SORCS1: variants seen among roughly 807,000 people sequenced by gnomAD.
SORCS1 encodes the protein sortilin related VPS10 domain containing receptor 1, also known as VPS10 domain-containing receptor SorCS1.
A neutral mutation model predicts 146.1 loss-of-function variants in SORCS1; 60 were observed. That is an observed-to-expected ratio of 0.41 (90% CI 0.33 to 0.51). The LOEUF is 0.51. SORCS1 is among the 20% of genes least tolerant of loss of function. SORCS1 has a pLI of 0.21. For missense variants in SORCS1, 1,352 were observed against 1,487.6 expected (o/e 0.91, Z 1.50); for synonymous variants, 637 against 584.0 (o/e 1.09, Z -1.31).
chr10:106,720,612 T>C (rs1855717070), intron 6 of SORCS1, among the ~76,000 whole-genome samples: 2 of 151,812 alleles, frequency 1.3e-5, no homozygotes, highest in African/African-American at 4.8e-5. Context: ...CCAGAAACAT[T>C]AGAAATTTTT....
At chr10:106,757,566 G>C (rs182034453) in intron 5 of SORCS1, among the ~76,000 whole-genome samples, 8 of 152,278 alleles carry the variant, frequency 5.3e-5, no homozygotes, top group African/African-American at 1.9e-4. Flanking sequence ...GGCAGAGACC[G>C]AGATTTTCAT....
chr10:107,180,013 C>T, the SORCS1 span, among the ~76,000 whole-genome samples: 57 of 140,828 alleles, frequency 4.0e-4, no homozygotes, highest in East Asian at 0.012. Flanking sequence ...ACCTCCTGGG[C>T]TCAAGCAATC....
chr10:107,053,536 G>GA (rs938442564), intron 1 of SORCS1, among the ~76,000 whole-genome samples: 38 of 149,686 alleles, frequency 2.5e-4, no homozygotes, highest in Admixed American at 1.8e-3. Flanking sequence ...TTAGTCAATT[G>GA]AAAAAAAAAT....
chr10:106,599,928 C>T (rs988363489), intron 23 of SORCS1, among the ~76,000 whole-genome samples: 2 of 152,030 alleles, frequency 1.3e-5, no homozygotes, highest in Non-Finnish European at 2.9e-5. Flanking sequence ...CCTGCCACCA[C>T]ATCCGGCTAT....
At chr10:106,603,542 T>A (rs1213819124) in intron 23 of SORCS1, among the ~76,000 whole-genome samples, 2 of 151,996 alleles carry the variant, frequency 1.3e-5, no homozygotes, top group East Asian at 3.9e-4. Context: ...GGACTGAGAG[T>A]CCTTTGCTGG....
At chr10:106,616,059 A>G (rs533854344) in intron 21 of SORCS1, among the ~76,000 whole-genome samples, 1 of 152,318 alleles carries the variant, frequency 6.6e-6, no homozygotes, top group African/African-American at 2.4e-5. Flanking sequence ...ATCAATGTCA[A>G]TTACTATCAC....
intron 9 of SORCS1, among the ~76,000 whole-genome samples, chr10:106,696,875 C>G (rs1382331728): frequency 6.6e-6 from 1 of 152,064 alleles, no homozygotes; most frequent in Non-Finnish European, 1.5e-5. Flanking sequence ...TCCAGAGAAT[C>G]AATTCCATGT....
intron 3 of SORCS1, among the ~76,000 whole-genome samples, chr10:106,821,791 G>T (rs1589472875): frequency 6.6e-6 from 1 of 152,092 alleles, no homozygotes. Context: ...GCGTGTTGGT[G>T]GGCGCCTGTA....
chr10:106,908,757 G>A (rs766950074), intron 2 of SORCS1, among the ~76,000 whole-genome samples: 5 of 152,124 alleles, frequency 3.3e-5, no homozygotes, highest in Admixed American at 6.5e-5. Flanking sequence ...ACTACCCTAC[G>A]TGAGCAGGCT....
Position 106,687,920 on chromosome 10 carries a change from C to T in SORCS1, c.1560+272G>A, listed in dbSNP as rs561936810. ...CAGGGATAGAAACTGTCATATTCTC[C>T]CTCAAACTACCATTTGAGGCCCTCA... is the stretch of plus-strand genomic sequence containing the variant. On this transcript the variant is annotated intron_variant, in intron 10 of 25. Transcript: ENST00000263054. Among the ~76,000 whole-genome samples, 3 of 152,096 alleles carry T rather than the reference C, an allele frequency of 2.0e-5. No homozygotes were observed. In the South Asian group the frequency reaches 6.2e-4, roughly 32 times the overall value.
At chr10:106,841,784 A>G (rs1044395743) in intron 2 of SORCS1, among the ~76,000 whole-genome samples, 4 of 152,102 alleles carry the variant, frequency 2.6e-5, no homozygotes, top group African/African-American at 9.7e-5. Context: ...AGTGTTGAAT[A>G]ATGTCCCTTT....
chr10:107,045,920 G>C (rs1959359773), intron 1 of SORCS1, among the ~76,000 whole-genome samples: 1 of 151,628 alleles, frequency 6.6e-6, no homozygotes, highest in Non-Finnish European at 1.5e-5. Context: ...AAGGAGGTGG[G>C]ACTACAGGTG....
chr10:106,778,443 A>G (rs912249044), intron 3 of SORCS1, among the ~76,000 whole-genome samples: 3 of 152,094 alleles, frequency 2.0e-5, no homozygotes, highest in African/African-American at 7.2e-5. Context: ...GCGTTCCCTC[A>G]TCAGATGGCC....
At chr10:106,871,805 T>G (rs1950415632) in intron 2 of SORCS1, among the ~76,000 whole-genome samples, 1 of 152,276 alleles carries the variant, frequency 6.6e-6, no homozygotes, top group East Asian at 1.9e-4. Context: ...TGGCTTAATA[T>G]CTGGGTGATG....
At chr10:107,155,182 C>T (rs1381634071) in intron 1 of SORCS1, among the ~76,000 whole-genome samples, 1 of 152,158 alleles carries the variant, frequency 6.6e-6, no homozygotes, top group Non-Finnish European at 1.5e-5. Flanking sequence ...TAGGTCTTCA[C>T]TGTAGGGGGT....
intron 1 of SORCS1, among the ~76,000 whole-genome samples, chr10:107,148,041 G>A (rs1424302860): frequency 6.6e-6 from 1 of 152,192 alleles, no homozygotes; most frequent in Non-Finnish European, 1.5e-5. Context: ...TTTAAACAGA[G>A]GCAGTAAAGT....
At chr10:107,139,315 A>G (rs1387197392) in intron 1 of SORCS1, among the ~76,000 whole-genome samples, 1 of 152,236 alleles carries the variant, frequency 6.6e-6, no homozygotes, top group Non-Finnish European at 1.5e-5. Context: ...CCATGTTGAT[A>G]TAAGATTGGC....
intron 2 of SORCS1, among the ~76,000 whole-genome samples, chr10:106,841,570 C>A (rs1382280981): frequency 6.6e-6 from 1 of 152,154 alleles, no homozygotes; most frequent in African/African-American, 2.4e-5. Flanking sequence ...CTTTTATATG[C>A]ACTGAGAAAG....
chr10:107,003,132 G>A (rs1249461193), intron 1 of SORCS1, among the ~76,000 whole-genome samples: 1 of 152,126 alleles, frequency 6.6e-6, no homozygotes, highest in Non-Finnish European at 1.5e-5. Flanking sequence ...GTGGGTGCCT[G>A]TAATCCCCGC....
Sources: allele counts gnomAD v4.1 joint callset (sites outside exome capture counted in the v4.1 genomes callset), GRCh38; gene constraint gnomAD v4.1.1; transcripts MANE v1.5; gene names NCBI Gene and HGNC (gene_info 2026-07-23, HGNC 2026-07-21).